SNTG1: variants seen among roughly 807,000 people sequenced by gnomAD.
SNTG1 encodes gamma-1-syntrophin.
A neutral mutation model predicts 74.7 loss-of-function variants in SNTG1; 39 were observed. The observed-to-expected ratio is 0.52, with a 90% confidence interval of 0.40 to 0.68. The LOEUF is 0.68. Among genes scored for constraint, SNTG1 ranks in the 30% least tolerant of loss-of-function variants. The pLI, the probability that SNTG1 is intolerant of heterozygous loss-of-function variation, is 0.00. For missense variants in SNTG1, 685 were observed against 609.5 expected (o/e 1.12, Z -1.30); for synonymous variants, 254 against 217.1 (o/e 1.17, Z -1.49).
intron 1 of SNTG1, among the ~76,000 whole-genome samples, chr8:50,003,308 G>A (rs775133907): frequency 1.3e-5 from 2 of 152,042 alleles, no homozygotes; most frequent in Admixed American, 6.6e-5. Context: ...CAAAGTAAAG[G>A]GCAAGGAAGA....
At chr8:50,748,008 GA>G (rs968887616) in intron 17 of SNTG1, among the ~76,000 whole-genome samples, 6 of 151,778 alleles carry the variant, frequency 4.0e-5, no homozygotes, top group Non-Finnish European at 5.9e-5. Context: ...ACCAAGATAG[GA>G]AAAAAGCAAA....
At chr8:50,311,140 A>C (rs1393837894) in intron 2 of SNTG1, among the ~76,000 whole-genome samples, 3 of 152,188 alleles carry the variant, frequency 2.0e-5, no homozygotes, top group Admixed American at 6.5e-5. Context: ...GTTTTTGAAA[A>C]TGTATTTCTT....
At chr8:50,087,260 G>A (rs913231915) in intron 1 of SNTG1, among the ~76,000 whole-genome samples, 10 of 152,054 alleles carry the variant, frequency 6.6e-5, no homozygotes, top group East Asian at 1.9e-4. Flanking sequence ...TTGTAATGTC[G>A]TCGGGATTTG....
rs551226075 is a variant in SNTG1, at chr8:50,415,454, A to T, written c.162+13110A>T. 1.4e-4 allele frequency among the ~76,000 whole-genome samples: 22 copies of T among 152,290 alleles called. No individual in the cohort carries two copies. In the East Asian group the frequency reaches 4.2e-3, roughly 29 times the overall value. On this transcript the variant is annotated intron_variant, in intron 4 of 18. Transcript: ENST00000642720. ...ATGTAATTGATGTAAATGTTTACTT[A>T]TACCTATACATGTTAACATAATATA... is the stretch of plus-strand genomic sequence containing the variant.
At chr8:50,500,162 T>C (rs1019785844) in intron 8 of SNTG1, among the ~76,000 whole-genome samples, 1 of 151,798 alleles carries the variant, frequency 6.6e-6, no homozygotes, top group African/African-American at 2.4e-5. Context: ...CTCTTCTTTC[T>C]CCTCTCCTCT....
At chr8:50,646,349 G>A (rs1415291653) in intron 13 of SNTG1, among the ~76,000 whole-genome samples, 1 of 152,152 alleles carries the variant, frequency 6.6e-6, no homozygotes, top group African/African-American at 2.4e-5. Context: ...TTTGAATTCA[G>A]TAGGTCTGGG....
intron 15 of SNTG1, among the ~76,000 whole-genome samples, chr8:50,674,136 GT>G (rs1261710017): frequency 1.3e-5 from 2 of 151,434 alleles, no homozygotes; most frequent in Non-Finnish European, 3.0e-5. Flanking sequence ...CTGAAGTTTT[GT>G]TTTTTTATTG....
rs543682722 is a variant in SNTG1, at chr8:50,670,317, T to G, written c.1038+11654T>G. Among the ~76,000 whole-genome samples, 332 of 152,170 alleles carry G rather than the reference T, an allele frequency of 2.2e-3. 3 individuals are homozygous for G. The highest frequency in any genetic ancestry group is 7.6e-3 in the African/African-American group (315 of 41,492). Reference sequence around the variant, plus strand: ...CCCATTGTCTCAGCCCAAAATCTCCTGAAGCTGATAAGCAACTTCAGCAAA... The same window carrying G: ...CCCATTGTCTCAGCCCAAAATCTCCGGAAGCTGATAAGCAACTTCAGCAAA... On this transcript the variant is annotated intron_variant, in intron 15 of 18. Transcript: ENST00000642720.
At chr8:50,687,719 C>T (rs570870190) in intron 15 of SNTG1, among the ~76,000 whole-genome samples, 5 of 152,276 alleles carry the variant, frequency 3.3e-5, no homozygotes, top group African/African-American at 1.2e-4. Flanking sequence ...TATCCCTCCC[C>T]CCTCGCCCCA....
At position 50,257,097 on chromosome 8, in the gene SNTG1, C is replaced by A. The variant is rs369905102; in HGVS notation, c.-28+84462C>A. Among the ~76,000 whole-genome samples, 23 of 152,010 alleles carry A rather than the reference C, an allele frequency of 1.5e-4. No homozygotes were observed. The East Asian group carries it at 3.9e-3, about 26-fold the overall frequency. Reference sequence around the variant, plus strand: ...AGCACCCCCACCAGCAGAAGCACACCCACCAGCAGAAGAGGCACACCCAAA... The same window carrying A: ...AGCACCCCCACCAGCAGAAGCACACACACCAGCAGAAGAGGCACACCCAAA... On this transcript the variant is annotated intron_variant, in intron 2 of 18. Transcript: ENST00000642720.
rs957814952 is a variant in SNTG1, at chr8:49,984,274, C to T, written c.-103+72043C>T. Among the ~76,000 whole-genome samples the T allele has an allele frequency of 2.0e-4, 31 of 151,928 alleles. No individual in the cohort carries two copies. In the Middle Eastern group the frequency reaches 0.01, roughly 50 times the overall value. ...AGGCTGGAGTGCAATGACATGATCT[C>T]GGCTCACTGCATCTTCCGCCTCCCA... On this transcript the variant is annotated intron_variant, in intron 1 of 18. Coordinates refer to ENST00000642720, the MANE Select transcript of SNTG1 (RefSeq NM_018967.5).
At chr8:50,267,579 C>T (rs2087547030) in intron 2 of SNTG1, among the ~76,000 whole-genome samples, 1 of 151,968 alleles carries the variant, frequency 6.6e-6, no homozygotes, top group African/African-American at 2.4e-5. Context: ...AGTGCTGCAG[C>T]CATATGAAAA....
intron 1 of SNTG1, among the ~76,000 whole-genome samples, chr8:50,114,265 C>T (rs2080725293): frequency 6.6e-6 from 1 of 151,966 alleles, no homozygotes. Flanking sequence ...TACTTAAAAC[C>T]AGTAGATTTT....
At chr8:50,258,615 A>G (rs1227809583) in intron 2 of SNTG1, among the ~76,000 whole-genome samples, 1 of 152,192 alleles carries the variant, frequency 6.6e-6, no homozygotes, top group East Asian at 1.9e-4. Flanking sequence ...TGAAAATTCT[A>G]GAGTTGAAAG....
intron 10 of SNTG1, among the ~76,000 whole-genome samples, chr8:50,536,316 AT>A (rs112228121): frequency 1.3e-5 from 2 of 151,998 alleles, no homozygotes; most frequent in African/African-American, 4.8e-5. Flanking sequence ...GCTGATTTTT[AT>A]TTCTTCACTT....
chr8:50,731,250 A>G (rs2095512203), intron 17 of SNTG1, among the ~76,000 whole-genome samples: 1 of 152,092 alleles, frequency 6.6e-6, no homozygotes, highest in Non-Finnish European at 1.5e-5. Context: ...AAGAGGGCAC[A>G]AAAGGAGATA....
intron 2 of SNTG1, among the ~76,000 whole-genome samples, chr8:50,305,727 T>C (rs1022279402): frequency 6.6e-6 from 1 of 152,044 alleles, no homozygotes; most frequent in Non-Finnish European, 1.5e-5. Context: ...GTAAAACATA[T>C]AAACCAAAAA....
At chr8:50,187,332 G>A (rs1054184989) in intron 2 of SNTG1, among the ~76,000 whole-genome samples, 3 of 151,938 alleles carry the variant, frequency 2.0e-5, no homozygotes, top group Non-Finnish European at 4.4e-5. Context: ...TAGACCAATG[G>A]AACAGAACAG....
chr8:50,634,549 G>C (rs915670487), intron 13 of SNTG1, among the ~76,000 whole-genome samples: 6 of 152,166 alleles, frequency 3.9e-5, no homozygotes, highest in Admixed American at 3.9e-4. Flanking sequence ...GAGAAAACCT[G>C]TGTACCCTTT....
Sources: allele counts gnomAD v4.1 joint callset (sites outside exome capture counted in the v4.1 genomes callset), GRCh38; gene constraint gnomAD v4.1.1; transcripts MANE v1.5; gene names NCBI Gene and HGNC (gene_info 2026-07-23, HGNC 2026-07-21).